The following WARS1 variants were observed in gnomAD, a reference collection of about 807,000 sequenced individuals.
WARS1 encodes tryptophanyl-tRNA synthetase 1.
A neutral mutation model predicts 47.8 loss-of-function variants in WARS1; 17 were observed. The ratio of observed to expected loss-of-function variants is 0.36; its 90% CI spans 0.24 to 0.53. The LOEUF (loss-of-function observed/expected upper bound fraction) is 0.53, where lower values mean the gene tolerates loss of function less well. Among genes scored for constraint, WARS1 ranks in the 20% least tolerant of loss-of-function variants. WARS1 has a pLI of 0.91. For missense variants in WARS1, 434 were observed against 608.0 expected (o/e 0.71, Z 3.01); for synonymous variants, 208 against 228.1 (o/e 0.91, Z 0.79).
intron 6 of WARS1, among the ~76,000 whole-genome samples, chr14:100,348,270 G>T (rs186262945): frequency 3.3e-4 from 50 of 152,352 alleles, no homozygotes; most frequent in African/African-American, 1.2e-3. Context: ...TGCAGGTGGG[G>T]TGGGGTGTCA....
At chr14:100,335,728 A>G (rs904669432) in intron 10 of WARS1, among the ~76,000 whole-genome samples, 4 of 152,120 alleles carry the variant, frequency 2.6e-5, no homozygotes, top group Non-Finnish European at 5.9e-5. Flanking sequence ...CTGCATGCTC[A>G]TTAAGCAAAT....
upstream of WARS1, chr14:100,375,807 G>A (rs1896624930): frequency 6.6e-6 from 1 of 152,244 alleles, no homozygotes; most frequent in Non-Finnish European, 1.5e-5. Flanking sequence ...AGACGCCTGG[G>A]TTTCAATCCC....
At chr14:100,354,358 G>A (rs1374116520) in intron 5 of WARS1, 89 bp downstream of exon 5, 3 of 1,528,468 alleles carry the variant, frequency 2.0e-6, no homozygotes, top group Admixed American at 2.1e-5. Context: ...AAATGAACTA[G>A]CATGATCTTG....
At chr14:100,359,588 A>G (rs1895535174) in intron 4 of WARS1, among the ~76,000 whole-genome samples, 1 of 152,194 alleles carries the variant, frequency 6.6e-6, no homozygotes, top group Non-Finnish European at 1.5e-5. Flanking sequence ...AGTTATTGAT[A>G]TCTTACTGCT....
At chr14:100,351,994 A>G (rs1895016518) in intron 6 of WARS1, among the ~76,000 whole-genome samples, 1 of 76,988 alleles carries the variant, frequency 1.3e-5, no homozygotes, top group Non-Finnish European at 3.2e-5. Flanking sequence ...CTCCGTCTCA[A>G]AAAAAAAAAG....
At position 100,366,787 on chromosome 14, in the gene WARS1, G is replaced by A. The variant is rs866413469; in HGVS notation, c.99+2300C>T. ...GCCACAATGAAGCTTGAAGATACAT[G>A]GGTGGCTTTGCAAAGAGTGTTTCCT... On this transcript the variant is annotated intron_variant, in intron 2 of 10. Transcript: ENST00000392882. 13 of 1,198,868 alleles carry A rather than the reference G, an allele frequency of 1.1e-5. No homozygotes were observed. The East Asian group carries it at 1.9e-4, about 17-fold the overall frequency. The allele number at this position is 1,198,868 out of a possible 1,614,324, so 74.3% of individuals were successfully genotyped here.
rs373316665 is a variant in WARS1 at position 100,346,118 on chromosome 14, A to T, written c.826+628T>A. On this transcript the variant is annotated intron_variant, in intron 7 of 10. Coordinates refer to ENST00000392882, the MANE Select transcript of WARS1 (RefSeq NM_004184.4). ...GAAGGCCCAGCCACAAGTCTCAAGGACCAAAAGTCTAAAAGTCTACGAAGC... is the reference window on the plus strand; with the variant it reads ...GAAGGCCCAGCCACAAGTCTCAAGGTCCAAAAGTCTAAAAGTCTACGAAGC... 1.1e-4 allele frequency among the ~76,000 whole-genome samples: 16 copies of T among 152,348 alleles called. 1 individual carries two copies. In the East Asian group the frequency reaches 3.1e-3, roughly 29 times the overall value.
rs1202759674 is a variant in WARS1 at position 100,354,428 on chromosome 14, C to G, written c.542+19G>C. The G allele has an allele frequency of 1.2e-6, 2 of 1,606,734 alleles. No homozygotes were observed. The highest frequency in any genetic ancestry group is 2.2e-5 in the South Asian group (2 of 89,182). On this transcript the variant is annotated intron_variant, in intron 5 of 10. Coordinates refer to ENST00000392882, the MANE Select transcript of WARS1 (RefSeq NM_004184.4). ...AATTCACTAAGAGAGTAAGAAAAGC[C>G]ATAAGATCCAATACTTACTTTGTGA...
At chr14:100,364,292 C>T (rs1408042633) in intron 2 of WARS1, among the ~76,000 whole-genome samples, 7 of 152,184 alleles carry the variant, frequency 4.6e-5, no homozygotes, top group Non-Finnish European at 1.5e-5. Flanking sequence ...CCCTCACAGC[C>T]CTCAGATGCT....
At chr14:100,345,837 C>T (rs886622042) in intron 7 of WARS1, among the ~76,000 whole-genome samples, 4 of 152,238 alleles carry the variant, frequency 2.6e-5, no homozygotes, top group African/African-American at 9.6e-5. Context: ...ACGCCAGCCC[C>T]CACCAAGTGG....
At chr14:100,374,908 A>G (rs987458470) in intron 1 of WARS1, 13 of 152,192 alleles carry the variant, frequency 8.5e-5, no homozygotes, top group African/African-American at 3.1e-4. Context: ...CCGCCAAATA[A>G]CAGCATGAAC....
intron 7 of WARS1, among the ~76,000 whole-genome samples, chr14:100,344,518 TGAG>T (rs1368012907): frequency 6.6e-6 from 1 of 152,172 alleles, no homozygotes; most frequent in Non-Finnish European, 1.5e-5. Flanking sequence ...GTCTGGGAAG[TGAG>T]GAGCGTCTCT....
At chr14:100,346,911 T>C (rs1432439778) in intron 6 of WARS1, 65 bp from the exon 7 acceptor site, 5 of 1,435,176 alleles carry the variant, frequency 3.5e-6, no homozygotes, top group Non-Finnish European at 3.9e-6. Context: ...AAAGTCACAG[T>C]TATTAAAATT....
At position 100,369,212 on chromosome 14, in the gene WARS1, C is replaced by A; in HGVS notation, c.-27G>T. ...TTTGCTATCTCTCAGGAACTACGTT[C>A]ACAGCCGGCCTGAGGTCAGAGGATT... On this transcript the variant is annotated 5_prime_UTR_variant, in exon 2 of 11. Coordinates refer to ENST00000392882, the MANE Select transcript of WARS1 (RefSeq NM_004184.4). 1.5e-6 allele frequency: 2 copies of A among 1,319,812 alleles called. No individual in the cohort carries two copies. Among genetic ancestry groups the A allele is most frequent in the South Asian group, 3.5e-5 (2 of 57,554 alleles). 81.8% of individuals were successfully genotyped at this position (1,319,812 alleles called of 1,614,324 possible).
At chr14:100,366,797 G>C (rs1408301971) in intron 2 of WARS1, 1 of 1,369,150 alleles carries the variant, frequency 7.3e-7, no homozygotes, top group African/African-American at 1.4e-5. Flanking sequence ...GGGTGGCTTT[G>C]CAAAGAGTGT....
chr14:100,343,429 C>T, intron 7 of WARS1, 42 bp from the exon 8 acceptor site: 1 of 1,454,612 alleles, frequency 6.9e-7, no homozygotes, highest in African/African-American at 1.4e-5. Flanking sequence ...AGATGAGTTC[C>T]TGTTCTGCTT....
chr14:100,368,842 TC>T (rs1896166687), intron 2 of WARS1, among the ~76,000 whole-genome samples: 2 of 152,086 alleles, frequency 1.3e-5, no homozygotes, highest in Non-Finnish European at 2.9e-5. Flanking sequence ...ATGCCTGTAA[TC>T]CCAGCTACTT....
chr14:100,346,932 G>T, intron 6 of WARS1, 86 bp from the exon 7 acceptor site: 1 of 1,204,952 alleles, frequency 8.3e-7, no homozygotes, highest in Non-Finnish European at 1.2e-6. Flanking sequence ...GGATGCCAAT[G>T]AGTAGTGGCA....
intron 7 of WARS1, among the ~76,000 whole-genome samples, chr14:100,345,601 T>C (rs1160749886): frequency 2.0e-5 from 3 of 151,638 alleles, no homozygotes; most frequent in African/African-American, 7.3e-5. Flanking sequence ...TTCCCTCCAC[T>C]ATTGTCCTGT....
Sources: allele counts gnomAD v4.1 joint callset (sites outside exome capture counted in the v4.1 genomes callset), GRCh38; gene constraint gnomAD v4.1.1; transcripts MANE v1.5; gene names NCBI Gene and HGNC (gene_info 2026-07-23, HGNC 2026-07-21).